Variants in EPS15 observed in about 807,000 individuals in gnomAD.
EPS15 encodes epidermal growth factor receptor substrate 15.
A neutral mutation model predicts 113.8 loss-of-function variants in EPS15; 72 were observed. That is an observed-to-expected ratio of 0.63 (90% CI 0.52 to 0.77). EPS15 has a LOEUF of 0.77. EPS15 is among the 30% of genes least tolerant of loss of function. The probability of loss-of-function intolerance (pLI) is 0.00; values close to 1 mark genes in which losing one functional copy is unlikely to be tolerated. For missense variants in EPS15, 1,048 were observed against 1,045.8 expected, an observed-to-expected ratio of 1.00 and a Z score of -0.03; for synonymous variants, 344 against 363.4, an observed-to-expected ratio of 0.95 and a Z score of 0.61.
intron 1 of EPS15, among the ~76,000 whole-genome samples, chr1:51,481,567 C>T (rs1402958335): frequency 1.3e-5 from 2 of 152,106 alleles, no homozygotes; most frequent in African/African-American, 4.8e-5. Context: ...CATCAAAACT[C>T]CTCTTCATCT....
chr1:51,374,527 C>G (rs1366831962), intron 21 of EPS15, among the ~76,000 whole-genome samples: 1 of 152,074 alleles, frequency 6.6e-6, no homozygotes, highest in Non-Finnish European at 1.5e-5. Flanking sequence ...TCGCTTGAAC[C>G]TGGGAGGCGG....
intron 3 of EPS15, among the ~76,000 whole-genome samples, chr1:51,472,441 CA>C (rs1472263497): frequency 6.6e-6 from 1 of 152,066 alleles, no homozygotes; most frequent in Non-Finnish European, 1.5e-5. Flanking sequence ...AAGGAGTAGA[CA>C]GGGGAGGGGC....
At chr1:51,440,175 G>C (rs1345816291) in intron 12 of EPS15, among the ~76,000 whole-genome samples, 172 bp downstream of exon 12, 1 of 152,032 alleles carries the variant, frequency 6.6e-6, no homozygotes, top group East Asian at 1.9e-4. Flanking sequence ...CGTTTAAACA[G>C]AACTGTGGTA....
intron 13 of EPS15, among the ~76,000 whole-genome samples, chr1:51,417,752 G>A (rs541491614): frequency 2.0e-5 from 3 of 152,334 alleles, no homozygotes; most frequent in Admixed American, 2.0e-4. Context: ...CAGGAAAGTA[G>A]AGAACATTCT....
intron 1 of EPS15, among the ~76,000 whole-genome samples, chr1:51,516,769 G>A (rs751864818): frequency 1.2e-4 from 18 of 152,134 alleles, no homozygotes; most frequent in Middle Eastern, 3.2e-3. Context: ...ATGAACAGAA[G>A]CAGAAATTAA....
chr1:51,492,110 A>G (rs137899404), intron 1 of EPS15, among the ~76,000 whole-genome samples: 3,234 of 152,150 alleles, frequency 0.021, 55 homozygotes, highest in Non-Finnish European at 0.031. Flanking sequence ...CGGCCTCCCA[A>G]AGTGCTGAGA....
intron 2 of EPS15, among the ~76,000 whole-genome samples, chr1:51,474,512 C>T (rs992710035): frequency 6.6e-6 from 1 of 152,140 alleles, no homozygotes; most frequent in Admixed American, 6.5e-5. Flanking sequence ...AAGAATTACA[C>T]AGGACTGAAT....
At chr1:51,404,002 T>C (rs920761674) in intron 16 of EPS15, among the ~76,000 whole-genome samples, 3 of 152,190 alleles carry the variant, frequency 2.0e-5, no homozygotes, top group Non-Finnish European at 4.4e-5. Context: ...AGTCCTTCAA[T>C]GGCTTCCCAT....
chr1:51,463,596 G>A (rs1233617866), intron 7 of EPS15, 77 bp downstream of exon 7: 4 of 761,348 alleles, frequency 5.3e-6, no homozygotes, highest in African/African-American at 3.6e-5. Context: ...TTAACAAAGA[G>A]TTATACATGC....
At chr1:51,394,164 A>G (rs1392592301) in intron 21 of EPS15, 1 of 380,380 alleles carries the variant, frequency 2.6e-6, no homozygotes, top group Non-Finnish European at 4.9e-6. Flanking sequence ...TAGAGTTCAT[A>G]TTCTAGTGTA....
Position 51,463,659 on chromosome 1 carries a change from AAAT to A in EPS15, c.501+11_501+13del, listed in dbSNP as rs1181735522. 2 of 1,530,442 alleles carry A rather than the reference AAAT, an allele frequency of 1.3e-6. No homozygotes were observed. Among genetic ancestry groups the A allele is most frequent in the Non-Finnish European group, 1.8e-6 (2 of 1,112,558 alleles). 94.8% of individuals were successfully genotyped at this position (1,530,442 alleles called of 1,614,324 possible). ...ATACATAAAAATTACATTTCGGAGT[AAAT>A]AATATCTTACTCTTCCAAGGATATC... On this transcript the variant is annotated intron_variant, in intron 7 of 24. Coordinates refer to ENST00000371733, the MANE Select transcript of EPS15 (RefSeq NM_001981.3).
At chr1:51,461,274 T>C in intron 7 of EPS15, 124 bp from the exon 8 acceptor site, 2 of 678,364 alleles carry the variant, frequency 2.9e-6, no homozygotes, top group South Asian at 3.5e-5. Flanking sequence ...CCCAGCACTT[T>C]GAGAGGCCAA....
chr1:51,402,874 A>G lies in EPS15; in HGVS notation c.1792-349T>C, dbSNP rs541411210. Among the ~76,000 whole-genome samples the G allele has an allele frequency of 1.1e-4, 16 of 152,286 alleles. No individual in the cohort carries two copies. The South Asian group carries it at 3.3e-3, about 32-fold the overall frequency. On this transcript the variant is annotated intron_variant, in intron 17 of 24. Transcript: ENST00000371733. ...GAGCCAAGATCACACTACTGCACTC[A>G]AGGCTGGGTGACAGAGTGAGACTTG...
At chr1:51,511,348 T>C (rs538077531) in intron 1 of EPS15, among the ~76,000 whole-genome samples, 183 of 150,842 alleles carry the variant, frequency 1.2e-3, no homozygotes, top group Non-Finnish European at 1.9e-3. Flanking sequence ...CAAAAAAAAT[T>C]AGCCAGGCGT....
intron 12 of EPS15, among the ~76,000 whole-genome samples, chr1:51,432,078 G>A (rs1336063039): frequency 6.6e-6 from 1 of 152,160 alleles, no homozygotes; most frequent in Non-Finnish European, 1.5e-5. Flanking sequence ...CAGGCCTCCA[G>A]TATGTCGGCA....
intron 21 of EPS15, among the ~76,000 whole-genome samples, chr1:51,388,282 G>C (rs1243360454): frequency 3.3e-5 from 5 of 152,158 alleles, no homozygotes; most frequent in African/African-American, 9.7e-5. Context: ...CGAGCACAAA[G>C]ACACAACATA....
intron 1 of EPS15, among the ~76,000 whole-genome samples, chr1:51,510,114 T>C (rs927038446): frequency 5.3e-5 from 8 of 152,172 alleles, no homozygotes; most frequent in Admixed American, 5.2e-4. Flanking sequence ...GTAAAGATTA[T>C]TGAAAATAGC....
rs1054986247 is a variant in EPS15, at chr1:51,449,517, C to T, written c.562-1382G>A. Among the ~76,000 whole-genome samples the T allele has an allele frequency of 5.4e-5, 8 of 149,180 alleles. No individual in the cohort carries two copies. In the South Asian group the frequency reaches 6.2e-4, roughly 12 times the overall value. On this transcript the variant is annotated intron_variant, in intron 8 of 24. Coordinates refer to ENST00000371733, the MANE Select transcript of EPS15 (RefSeq NM_001981.3). ...ACAAAATAATCTGCACACCAAACCC[C>T]GTGACATGCAATTTACCTATATAAC...
intron 13 of EPS15, among the ~76,000 whole-genome samples, chr1:51,410,454 C>T (rs1344719404): frequency 6.6e-6 from 1 of 150,992 alleles, no homozygotes; most frequent in Non-Finnish European, 1.5e-5. Flanking sequence ...AAAAGTCTAA[C>T]TTTAAAATGT....
Sources: gnomAD v4.1 joint callset for allele counts (sites outside exome capture counted in the v4.1 genomes callset) on GRCh38, gnomAD v4.1.1 for gene constraint, MANE v1.5 for transcripts, NCBI Gene and HGNC (gene_info 2026-07-23, HGNC 2026-07-21) for gene names.